Variants in GALNT7 observed in about 807,000 individuals in gnomAD.
The protein encoded by GALNT7 is polypeptide N-acetylgalactosaminyltransferase 7, also known as N-acetylgalactosaminyltransferase 7.
In GALNT7, 60 loss-of-function variants were observed where a neutral mutation model predicts 82.1. The ratio of observed to expected loss-of-function variants is 0.73; its 90% CI spans 0.59 to 0.91. GALNT7 has a LOEUF of 0.91. Among genes scored for constraint, GALNT7 ranks in the 40% least tolerant of loss-of-function variants. The pLI, the probability that GALNT7 is intolerant of heterozygous loss-of-function variation, is 0.00. For missense variants in GALNT7, 660 were observed against 804.2 expected, an observed-to-expected ratio of 0.82 and a Z score of 2.17; for synonymous variants, 243 against 275.1, an observed-to-expected ratio of 0.88 and a Z score of 1.15.
chr4:173,169,167 GC>G, intron 1 of GALNT7: 1 of 223,702 alleles, frequency 4.5e-6, no homozygotes, highest in Non-Finnish European at 8.6e-6. Flanking sequence ...CCCCCTCGCC[GC>G]CCCTTCCTCC....
At chr4:173,216,086 C>T (rs754837063) in intron 1 of GALNT7, among the ~76,000 whole-genome samples, 11 of 152,176 alleles carry the variant, frequency 7.2e-5, no homozygotes, top group Non-Finnish European at 1.2e-4. Context: ...ATCACACACT[C>T]CAGCCTGGGT....
Position 173,314,068 on chromosome 4 carries a change from A to G in GALNT7, c.1500A>G (p.Lys500=), listed in dbSNP as rs753071769. ...ATGGGGATATATCGGAGCTGAAAAA[A>G]TTTCGAGAAGATCACAACTGCAAAA... ...LPYGDISELK[K]FREDHNCKSF... Residue 500 remains lysine (K), a synonymous_variant, in exon 9 of 12, where the codon AAA becomes AAG. Transcript: ENST00000265000. 5 of 1,613,050 alleles carry G rather than the reference A, an allele frequency of 3.1e-6. No homozygotes were observed. The highest frequency in any genetic ancestry group is 2.5e-6 in the Non-Finnish European group (3 of 1,179,204).
chr4:173,219,135 T>A (rs936039556), intron 1 of GALNT7, among the ~76,000 whole-genome samples: 18 of 152,056 alleles, frequency 1.2e-4, no homozygotes, highest in Non-Finnish European at 2.1e-4. Flanking sequence ...TCCCTCCCAG[T>A]CTTTCCCGAG....
chr4:173,216,727 A>ATATATATATATATTTTTTTT, intron 1 of GALNT7, among the ~76,000 whole-genome samples: 1 of 12,980 alleles, frequency 7.7e-5, no homozygotes, highest in African/African-American at 2.8e-4. Context: ...ATATATATAT[A>ATATATATATATATTTTTTTT]TTTTTTTTTT....
intron 1 of GALNT7, among the ~76,000 whole-genome samples, chr4:173,246,725 T>C (rs1383235378): frequency 6.6e-6 from 1 of 152,212 alleles, no homozygotes; most frequent in African/African-American, 2.4e-5. Flanking sequence ...ATCAACATCA[T>C]ACTTAGAGAC....
In GALNT7 at chr4:173,321,598, C is replaced by A; in HGVS notation, c.1855C>A (p.His619Asn). 6.2e-7 allele frequency: 1 copy of A among 1,611,582 alleles called. No homozygotes were observed. Among genetic ancestry groups the A allele is most frequent in the Non-Finnish European group, 8.5e-7 (1 of 1,177,912 alleles). The change falls in exon 12 of 12, where the codon CAT (histidine) becomes AAT (asparagine). Residue 619 changes from histidine (H) to asparagine (N), a missense_variant. Physicochemically the swap from His to Asn is moderately conservative, Grantham distance 68 (BLOSUM62 1). Around this residue, in one of 2 missense-constraint regions of GALNT7, gnomAD observed 527 missense variants for 683.5 expected, o/e 0.77. Transcript: ENST00000265000. ...QYFKNLHRFT[H>N]IPSGKCLDRS... ...TTTCCAGAACCTGCACAGATTTACT[C>A]ATATTCCTTCAGGAAAGTGTTTAGA...
intron 2 of GALNT7, among the ~76,000 whole-genome samples, chr4:173,261,174 C>T (rs1735243453): frequency 1.3e-5 from 2 of 152,194 alleles, no homozygotes; most frequent in African/African-American, 2.4e-5. Flanking sequence ...AGAACAAATT[C>T]TGGCTGCTGA....
Position 173,248,405 on chromosome 4 carries a change from A to G in GALNT7, c.552A>G (p.Ser184=). Residue 184 remains serine, a synonymous_variant, in exon 2 of 12, where the codon TCA becomes TCG. Coordinates refer to ENST00000265000, the MANE Select transcript of GALNT7 (RefSeq NM_017423.3). ...GFNMVASDMI[S]LDRSVNDLRQ... ...ACATGGTGGCAAGTGACATGATCTC[A>G]CTGGACCGCAGCGTCAATGACTTAC... is the stretch of plus-strand genomic sequence containing the variant. 1 of 1,605,172 alleles carries G rather than the reference A, an allele frequency of 6.2e-7. No homozygotes were observed. Among genetic ancestry groups the G allele is most frequent in the Non-Finnish European group, 8.5e-7 (1 of 1,172,682 alleles).
intron 2 of GALNT7, among the ~76,000 whole-genome samples, chr4:173,259,441 T>A (rs1293897198): frequency 1.3e-5 from 2 of 151,696 alleles, no homozygotes; most frequent in African/African-American, 4.8e-5. Flanking sequence ...TTTTTTTTTT[T>A]AATAACAAAT....
intron 2 of GALNT7, among the ~76,000 whole-genome samples, chr4:173,282,099 T>C: frequency 6.6e-6 from 1 of 152,204 alleles, no homozygotes; most frequent in East Asian, 1.9e-4. Flanking sequence ...TAAGAAACTC[T>C]TCTCATCTCT....
chr4:173,180,720 T>A (rs1354358652), intron 1 of GALNT7, among the ~76,000 whole-genome samples: 2 of 152,204 alleles, frequency 1.3e-5, no homozygotes, highest in Non-Finnish European at 2.9e-5. Flanking sequence ...TTCTAAAATG[T>A]TTGTCTCATT....
chr4:173,246,653 T>C (rs80251057), intron 1 of GALNT7, among the ~76,000 whole-genome samples: 174 of 152,364 alleles, frequency 1.1e-3, no homozygotes, highest in Non-Finnish European at 2.2e-3. Flanking sequence ...ACGTCTGAAA[T>C]AACTGACTTT....
At chr4:173,237,918 CATT>C (rs1242326187) in intron 1 of GALNT7, among the ~76,000 whole-genome samples, 1 of 152,130 alleles carries the variant, frequency 6.6e-6, no homozygotes, top group Non-Finnish European at 1.5e-5. Flanking sequence ...CACTCCAAAA[CATT>C]ATGTGAGTGG....
chr4:173,183,222 A>G (rs1203246973), intron 1 of GALNT7, among the ~76,000 whole-genome samples: 1 of 152,194 alleles, frequency 6.6e-6, no homozygotes, highest in African/African-American at 2.4e-5. Context: ...ACTTAAAAAA[A>G]ATGTGTTCTC....
chr4:173,263,002 G>A (rs527525168), intron 2 of GALNT7, among the ~76,000 whole-genome samples: 3 of 152,200 alleles, frequency 2.0e-5, no homozygotes, highest in South Asian at 4.2e-4. Context: ...CTTAAATATG[G>A]GTACCATTTG....
At chr4:173,218,480 T>C (rs1197237654) in intron 1 of GALNT7, among the ~76,000 whole-genome samples, 1 of 150,450 alleles carries the variant, frequency 6.6e-6, no homozygotes, top group Non-Finnish European at 1.5e-5. Flanking sequence ...TTTCCTTTGC[T>C]TTGGAAACAG....
intron 1 of GALNT7, among the ~76,000 whole-genome samples, chr4:173,177,351 G>A (rs1713873627): frequency 6.6e-6 from 1 of 152,148 alleles, no homozygotes; most frequent in South Asian, 2.1e-4. Context: ...GTATTTTATA[G>A]AACACAGGTC....
intron 1 of GALNT7, among the ~76,000 whole-genome samples, chr4:173,182,695 C>CACACAG (rs1222186662): frequency 7.5e-6 from 1 of 133,144 alleles, no homozygotes; most frequent in Non-Finnish European, 1.6e-5. Flanking sequence ...CACACACACA[C>CACACAG]AGCGTGTTGC....
chr4:173,267,090 C>A (rs890929910), intron 2 of GALNT7, among the ~76,000 whole-genome samples: 1 of 152,072 alleles, frequency 6.6e-6, no homozygotes, highest in African/African-American at 2.4e-5. Context: ...TGGGATGTTC[C>A]CAACACAAAG....
Sources: gnomAD v4.1 joint callset for allele counts (sites outside exome capture counted in the v4.1 genomes callset) on GRCh38, gnomAD v4.1.1 for gene constraint, gnomAD v4.1.1 regional missense constraint, MANE v1.5 for transcripts, NCBI Gene and HGNC (gene_info 2026-07-23, HGNC 2026-07-21) for gene names.